The following IL1RAPL1 variants were observed in gnomAD, a reference collection of about 807,000 sequenced individuals.
IL1RAPL1 encodes the protein interleukin 1 receptor accessory protein like 1.
A neutral mutation model predicts 48.4 loss-of-function variants in IL1RAPL1; 3 were observed. The observed-to-expected ratio is 0.06, with a 90% confidence interval of 0.03 to 0.16. IL1RAPL1 has a LOEUF of 0.16. Among genes scored for constraint, IL1RAPL1 ranks in the 10% least tolerant of loss-of-function variants. The probability of loss-of-function intolerance (pLI) is 1.00; values close to 1 mark genes in which losing one functional copy is unlikely to be tolerated. For missense variants in IL1RAPL1, 349 were observed against 530.6 expected, an observed-to-expected ratio of 0.66 and a Z score of 3.36; for synonymous variants, 185 against 187.7, an observed-to-expected ratio of 0.99 and a Z score of 0.12.
chrX:28,814,973 A>C (rs1936844759), intron 2 of IL1RAPL1, among the ~76,000 whole-genome samples: 2 of 108,145 alleles, frequency 1.8e-5, no homozygotes, highest in African/African-American at 6.7e-5. Flanking sequence ...GTGATCTCAA[A>C]TTTTTCTTGT....
At chrX:29,569,258 G>A (rs1922511957) in intron 5 of IL1RAPL1, among the ~76,000 whole-genome samples, 1 of 110,598 alleles carries the variant, frequency 9.0e-6, no homozygotes, top group African/African-American at 3.3e-5. Context: ...TCTGACTAGA[G>A]TATGATTGAA....
intron 1 of IL1RAPL1, among the ~76,000 whole-genome samples, chrX:28,697,890 C>T (rs1217300456): frequency 4.5e-5 from 5 of 110,706 alleles, no homozygotes; most frequent in Non-Finnish European, 7.6e-5. Flanking sequence ...GGCTCTGTCA[C>T]TAAGAGTATG....
chrX:29,077,214 T>C (rs1011455758), intron 2 of IL1RAPL1, among the ~76,000 whole-genome samples: 1 of 112,305 alleles, frequency 8.9e-6, no homozygotes, highest in African/African-American at 3.2e-5. Context: ...GTTATTCTAT[T>C]GGGGAGTACA....
At chrX:29,069,933 T>C (rs1272346492) in intron 2 of IL1RAPL1, among the ~76,000 whole-genome samples, 3 of 111,245 alleles carry the variant, frequency 2.7e-5, no homozygotes, top group African/African-American at 9.8e-5. Flanking sequence ...TTAGAGATAA[T>C]AGCTCTTACA....
chrX:29,132,374 T>C (rs778100812), intron 2 of IL1RAPL1, among the ~76,000 whole-genome samples: 102 of 112,291 alleles, frequency 9.1e-4, no homozygotes, highest in African/African-American at 3.3e-3. Flanking sequence ...TTTTCTATAA[T>C]GTCATAGTGT....
At chrX:29,225,064 G>T (rs990226664) in intron 2 of IL1RAPL1, among the ~76,000 whole-genome samples, 4 of 111,636 alleles carry the variant, frequency 3.6e-5, no homozygotes, top group African/African-American at 1.3e-4. Flanking sequence ...CATCCTTAGT[G>T]TTATGCTCTC....
intron 2 of IL1RAPL1, among the ~76,000 whole-genome samples, chrX:29,282,088 C>T (rs1034144168): frequency 3.6e-5 from 4 of 111,403 alleles, no homozygotes; most frequent in Non-Finnish European, 7.5e-5. Flanking sequence ...CCCTAATTAC[C>T]TCCCAAAGAA....
At chrX:29,706,160 C>G (rs1452821115) in intron 6 of IL1RAPL1, among the ~76,000 whole-genome samples, 1 of 111,589 alleles carries the variant, frequency 9.0e-6, no homozygotes, top group Non-Finnish European at 1.9e-5. Flanking sequence ...GACCCGCCCA[C>G]ATGATTCAGT....
At chrX:29,221,628 C>T (rs1257375520) in intron 2 of IL1RAPL1, among the ~76,000 whole-genome samples, 11 of 30,285 alleles carry the variant, frequency 3.6e-4, no homozygotes, top group African/African-American at 8.9e-4. Flanking sequence ...CATACACACA[C>T]ACACACACAC....
intron 8 of IL1RAPL1, among the ~76,000 whole-genome samples, chrX:29,936,353 GT>G (rs199911403): frequency 0.016 from 1,756 of 111,299 alleles, 38 homozygotes; most frequent in African/African-American, 0.054. Context: ...TATAATGTCT[GT>G]CATGCATTTT....
intron 2 of IL1RAPL1, among the ~76,000 whole-genome samples, chrX:28,990,427 G>A (rs1925576699): frequency 8.9e-6 from 1 of 111,957 alleles, no homozygotes; most frequent in Admixed American, 9.5e-5. Flanking sequence ...CCTGAAATGT[G>A]AATTAATCTG....
At chrX:29,801,736 A>C (rs187459084) in intron 6 of IL1RAPL1, among the ~76,000 whole-genome samples, 1 of 111,902 alleles carries the variant, frequency 8.9e-6, no homozygotes, top group Non-Finnish European at 1.9e-5. Context: ...GTCCTTAACT[A>C]AGATCGATCA....
intron 5 of IL1RAPL1, among the ~76,000 whole-genome samples, chrX:29,641,175 T>TAAACAAAC (rs60275629): frequency 9.9e-4 from 105 of 105,615 alleles, no homozygotes; most frequent in South Asian, 7.7e-4. Flanking sequence ...TGTCTCAAAA[T>TAAACAAAC]AAACAAACAA....
intron 2 of IL1RAPL1, among the ~76,000 whole-genome samples, chrX:28,975,047 T>C (rs1449401946): frequency 8.9e-6 from 1 of 112,162 alleles, no homozygotes; most frequent in Non-Finnish European, 1.9e-5. Flanking sequence ...CAAGTCAACT[T>C]GCATTCAAGT....
chrX:29,017,732 A>T, intron 2 of IL1RAPL1, among the ~76,000 whole-genome samples: 1 of 112,153 alleles, frequency 8.9e-6, no homozygotes, highest in Middle Eastern at 4.7e-3. Context: ...GACAGAATTG[A>T]TGTTTGAAGA....
At chrX:29,562,103 A>G (rs766176958) in intron 5 of IL1RAPL1, among the ~76,000 whole-genome samples, 114 of 88,135 alleles carry the variant, frequency 1.3e-3, no homozygotes, top group Middle Eastern at 5.3e-3. Flanking sequence ...CTATCTATCT[A>G]TCTATCTATC....
intron 3 of IL1RAPL1, among the ~76,000 whole-genome samples, chrX:29,385,593 A>G (rs780735402): frequency 8.9e-6 from 1 of 112,801 alleles, no homozygotes; most frequent in Non-Finnish European, 1.9e-5. Context: ...AATAAGTTTA[A>G]TCATACAATA....
chrX:28,947,324 C>T (rs12009660), intron 2 of IL1RAPL1, among the ~76,000 whole-genome samples: 244 of 111,726 alleles, frequency 2.2e-3, no homozygotes, highest in African/African-American at 7.7e-3. Flanking sequence ...AGAGTTGATT[C>T]ACTACATACC....
chrX:29,438,231 G>C (rs1327327812), intron 5 of IL1RAPL1, among the ~76,000 whole-genome samples: 1 of 111,216 alleles, frequency 9.0e-6, no homozygotes, highest in Non-Finnish European at 1.9e-5. Flanking sequence ...AATAGTGCCT[G>C]TTTCATTCTT....
Sources: allele counts gnomAD v4.1 joint callset (sites outside exome capture counted in the v4.1 genomes callset), GRCh38; gene constraint gnomAD v4.1.1; transcripts MANE v1.5; gene names NCBI Gene and HGNC (gene_info 2026-07-23, HGNC 2026-07-21).